PADI4: variants seen among roughly 807,000 people sequenced by gnomAD.
PADI4 encodes the protein protein-arginine deiminase type-4.
A neutral mutation model predicts 75.0 loss-of-function variants in PADI4; 62 were observed. The ratio of observed to expected loss-of-function variants is 0.83; its 90% CI spans 0.67 to 1.02. The LOEUF is 1.02. Ranked by LOEUF, PADI4 falls within the 50% of genes least tolerant of loss-of-function variation. The pLI is 0.00. For synonymous variants in PADI4, 361 were observed against 348.1 expected, an observed-to-expected ratio of 1.04 and a Z score of -0.41; for missense variants, 845 against 850.5, an observed-to-expected ratio of 0.99 and a Z score of 0.08.
intron 6 of PADI4, among the ~76,000 whole-genome samples, chr1:17,341,184 C>T (rs924802764): frequency 4.6e-5 from 7 of 151,548 alleles, no homozygotes; most frequent in African/African-American, 1.7e-4. Flanking sequence ...CTGCAACCTC[C>T]ACCTCCTGGG....
chr1:17,323,164 C>A (rs1188688407), intron 1 of PADI4, among the ~76,000 whole-genome samples: 2 of 152,208 alleles, frequency 1.3e-5, no homozygotes, highest in African/African-American at 4.8e-5. Context: ...TGGCTGGAAG[C>A]CTCCCTCAGT....
rs1363472189 is a variant in PADI4 at position 17,336,161 on chromosome 1, A to G, written c.343A>G (p.Ile115Val). The G allele has an allele frequency of 2.9e-5, 46 of 1,611,986 alleles. No homozygotes were observed. The highest frequency in any genetic ancestry group is 3.9e-5 in the Non-Finnish European group (46 of 1,178,076). Reference sequence around the variant, plus strand: ...CCTCTTACTTGATGGGATTTCAGAAATCTCCTTGTGCGCAGACATCACCCG... The same window carrying G: ...CCTCTTACTTGATGGGATTTCAGAAGTCTCCTTGTGCGCAGACATCACCCG... ...KALLYLTGVE[I>V]SLCADITRTG... is the part of the protein sequence containing the mutation. The change falls in exon 4 of 16, where the codon ATC (isoleucine) becomes GTC (valine). Residue 115 changes from isoleucine to valine, a missense_variant and splice_region_variant. Physicochemically the swap from Ile to Val is conservative, Grantham distance 29 (BLOSUM62 3). Coordinates refer to ENST00000375448, the MANE Select transcript of PADI4 (RefSeq NM_012387.3).
rs202085711 is a variant in PADI4, at chr1:17,308,780, G to GGC, written c.92+468_92+469dup. Among the ~76,000 whole-genome samples the GGC allele has an allele frequency of 1.3e-3, 25 of 18,636 alleles. No individual in the cohort carries two copies. In the Non-Finnish European group the frequency reaches 0.079, roughly 59 times the overall value. The allele number at this position is 18,636 out of a possible 152,430, so 12.2% of individuals were successfully genotyped here. ...TGGGGATGGCGAAACGGGGCTCTGTGGCGGCAGAGACTGAGGTAGGAAGCC... is the reference window on the plus strand; with the variant it reads ...TGGGGATGGCGAAACGGGGCTCTGTGGCGCGGCAGAGACTGAGGTAGGAAGCC... On this transcript the variant is annotated intron_variant, in intron 1 of 15. Coordinates refer to ENST00000375448, the MANE Select transcript of PADI4 (RefSeq NM_012387.3).
At chr1:17,322,059 G>A (rs2100677763) in intron 1 of PADI4, among the ~76,000 whole-genome samples, 1 of 152,310 alleles carries the variant, frequency 6.6e-6, no homozygotes, top group South Asian at 2.1e-4. Context: ...ATTTTTACAT[G>A]AGATTACATA....
At chr1:17,337,250 A>G (rs2074330282) in intron 4 of PADI4, among the ~76,000 whole-genome samples, 1 of 152,112 alleles carries the variant, frequency 6.6e-6, no homozygotes. Context: ...GGTTCAAGTG[A>G]TTCTCCTACC....
Position 17,332,075 on chromosome 1 carries a change from T to A in PADI4, c.273+926T>A, listed in dbSNP as rs539002861. Among the ~76,000 whole-genome samples, 18 of 152,180 alleles carry A rather than the reference T, an allele frequency of 1.2e-4. No individual in the cohort carries two copies. In the South Asian group the frequency reaches 3.7e-3, roughly 32 times the overall value. On this transcript the variant is annotated intron_variant, in intron 2 of 15. Transcript: ENST00000375448. ...GAATAATTATTTGCCTCCTCCAGCT[T>A]CTGGGGGCTGTCAGCAGTCTGATCT...
chr1:17,353,610 A>G (rs1340785818), intron 10 of PADI4, among the ~76,000 whole-genome samples: 1 of 152,150 alleles, frequency 6.6e-6, no homozygotes, highest in Non-Finnish European at 1.5e-5. Context: ...GGTGGACTGA[A>G]TAATGGCCCC....
chr1:17,342,683 C>T (rs1570055751), intron 8 of PADI4, among the ~76,000 whole-genome samples: 1 of 152,110 alleles, frequency 6.6e-6, no homozygotes, highest in South Asian at 2.1e-4. Flanking sequence ...ATTTAAAATG[C>T]ACCTTTCTGG....
Position 17,358,854 on chromosome 1 carries a change from A to G in PADI4, c.1575A>G (p.Lys525=). Residue 525 remains lysine, a synonymous_variant, in exon 14 of 16, where the codon AAA becomes AAG. Transcript: ENST00000375448. The part of the protein sequence containing the change: ...FEGIKKKKQQ[K]IKNILSNKTL... ...CCATGACAGAAAAAAAACAGCAGAA[A>G]ATAAAGAACATTCTGTCAAACAAGA... 1.9e-6 allele frequency: 3 copies of G among 1,605,380 alleles called. No individual in the cohort carries two copies. Among genetic ancestry groups the G allele is most frequent in the Non-Finnish European group, 2.6e-6 (3 of 1,174,960 alleles).
At chr1:17,310,624 CA>C (rs34364752) in intron 1 of PADI4, among the ~76,000 whole-genome samples, 3 of 149,988 alleles carry the variant, frequency 2.0e-5, no homozygotes, top group African/African-American at 4.9e-5. Context: ...GACTCTGTCT[CA>C]AAAAAAAAGA....
At chr1:17,353,388 T>C (rs2074701314) in intron 10 of PADI4, among the ~76,000 whole-genome samples, 1 of 152,100 alleles carries the variant, frequency 6.6e-6, no homozygotes, top group Non-Finnish European at 1.5e-5. Context: ...CGTGATCCTT[T>C]GAGCCCAGGA....
At chr1:17,331,344 G>T (rs1356689156) in intron 2 of PADI4, among the ~76,000 whole-genome samples, 195 bp downstream of exon 2, 1 of 152,110 alleles carries the variant, frequency 6.6e-6, no homozygotes. Context: ...TGGAGGTCAG[G>T]GTTTAGATTA....
At chr1:17,350,101 T>C (rs2074593524) in intron 10 of PADI4, among the ~76,000 whole-genome samples, 1 of 127,970 alleles carries the variant, frequency 7.8e-6, no homozygotes, top group Non-Finnish European at 1.8e-5. Context: ...CAGCCCCCTG[T>C]TGACTTCTTC....
At chr1:17,324,208 A>G (rs2074083048) in intron 1 of PADI4, among the ~76,000 whole-genome samples, 1 of 125,650 alleles carries the variant, frequency 8.0e-6, no homozygotes, top group Non-Finnish European at 1.6e-5. Context: ...GCAGTGTGTT[A>G]GAGTTTCTGT....
Position 17,356,553 on chromosome 1 carries a change from G to A in PADI4, c.1558+94G>A. 1.4e-6 allele frequency: 1 copy of A among 720,344 alleles called. No individual in the cohort carries two copies. Among genetic ancestry groups the A allele is most frequent in the Non-Finnish European group, 2.4e-6 (1 of 410,728 alleles). The allele number at this position is 720,344 out of a possible 1,614,324, so 44.6% of individuals were successfully genotyped here. ...AGGGAATCATCCAGGCAATAGGGTA[G>A]CATCTGAGCACCTACTGTGCGCCAG... is the stretch of plus-strand genomic sequence containing the variant. On this transcript the variant is annotated intron_variant, in intron 13 of 15. Transcript: ENST00000375448. The surrounding 1 kb of genome is among the most constrained non-coding windows in gnomAD (Gnocchi z 4.1).
intron 1 of PADI4, among the ~76,000 whole-genome samples, chr1:17,312,734 C>T (rs954268247): frequency 2.0e-5 from 3 of 152,098 alleles, no homozygotes; most frequent in Non-Finnish European, 4.4e-5. Flanking sequence ...TTGTTCCATG[C>T]CTGTGAAGAT....
chr1:17,342,289 T>C lies in PADI4; in HGVS notation c.832-10T>C. The C allele has an allele frequency of 6.3e-7, 1 of 1,580,290 alleles. No homozygotes were observed. Among genetic ancestry groups the C allele is most frequent in the Non-Finnish European group, 8.7e-7 (1 of 1,149,818 alleles). On this transcript the variant is annotated splice_polypyrimidine_tract_variant and intron_variant, in intron 7 of 15. Transcript: ENST00000375448. ...ACAGCCCCTCCTTCCCCTTACCCCC[T>C]CCCCTGCAGGAGCTCCCCGAGGCTG...
At chr1:17,353,639 C>G (rs567890357) in intron 10 of PADI4, among the ~76,000 whole-genome samples, 3 of 152,080 alleles carry the variant, frequency 2.0e-5, no homozygotes, top group Admixed American at 1.3e-4. Context: ...CTAGTCCCCC[C>G]GAACCTGATG....
At chr1:17,326,644 C>T (rs1366097269) in intron 1 of PADI4, among the ~76,000 whole-genome samples, 1 of 152,182 alleles carries the variant, frequency 6.6e-6, no homozygotes, top group Non-Finnish European at 1.5e-5. Context: ...ATTACATAGT[C>T]ACTTTTTTAA....
Sources: allele counts gnomAD v4.1 joint callset (sites outside exome capture counted in the v4.1 genomes callset), GRCh38; gene constraint gnomAD v4.1.1; non-coding constraint Gnocchi (gnomAD v3.1); transcripts MANE v1.5; gene names NCBI Gene and HGNC (gene_info 2026-07-23, HGNC 2026-07-21).